ALX4: variants seen among roughly 807,000 people sequenced by gnomAD.
ALX4 encodes the protein homeobox protein aristaless-like 4.
ALX4 carries 22 observed loss-of-function variants against 40.6 expected under a neutral mutation model. That is an observed-to-expected ratio of 0.54 (90% CI 0.39 to 0.77). The LOEUF (loss-of-function observed/expected upper bound fraction) is 0.77, where lower values mean the gene tolerates loss of function less well. Ranked by LOEUF, ALX4 falls within the 30% of genes least tolerant of loss-of-function variation. ALX4 has a pLI of 0.00. For missense variants in ALX4, 556 were observed against 564.8 expected (o/e 0.98, Z 0.16); for synonymous variants, 266 against 240.5 (o/e 1.11, Z -0.98).
intron 1 of ALX4, among the ~76,000 whole-genome samples, chr11:44,291,212 T>C (rs1565006654): frequency 6.6e-6 from 1 of 152,084 alleles, no homozygotes; most frequent in Non-Finnish European, 1.5e-5. Flanking sequence ...AAATGTTAAA[T>C]TTATTTGGTT....
intron 2 of ALX4, among the ~76,000 whole-genome samples, chr11:44,273,880 G>A (rs992222243): frequency 1.6e-4 from 25 of 152,242 alleles, no homozygotes; most frequent in African/African-American, 4.6e-4. Context: ...TTGAGCCCAC[G>A]AAGTTAAGGC....
At position 44,281,120 on chromosome 11, in the gene ALX4, CT is replaced by C. The variant is rs796184044; in HGVS notation, c.467-5463del. Among the ~76,000 whole-genome samples the C allele has an allele frequency of 4.2e-3, 621 of 146,684 alleles. 2 individuals carry two copies. Among genetic ancestry groups the C allele is most frequent in the African/African-American group, 0.012 (482 of 40,180 alleles). Reference sequence around the variant, plus strand: ...ACTGATTTTTCTTTTTTCTTTCTTTCTTTTTTTTTTTGGCCGTGATTTAAAG... The same window carrying C: ...ACTGATTTTTCTTTTTTCTTTCTTTCTTTTTTTTTTGGCCGTGATTTAAAG... On this transcript the variant is annotated intron_variant, in intron 1 of 3. Coordinates refer to ENST00000652299, the MANE Select transcript of ALX4 (RefSeq NM_021926.4).
intron 1 of ALX4, among the ~76,000 whole-genome samples, chr11:44,279,128 G>A (rs557750544): frequency 2.7e-4 from 41 of 152,244 alleles, no homozygotes; most frequent in Non-Finnish European, 5.1e-4. Context: ...TCCACCTGGC[G>A]CTGGTTCCAG....
intron 2 of ALX4, among the ~76,000 whole-genome samples, chr11:44,271,159 C>CT (rs1467341542): frequency 8.1e-6 from 1 of 123,370 alleles, no homozygotes; most frequent in Non-Finnish European, 1.8e-5. Flanking sequence ...ACCCCCTTAC[C>CT]CCCCCAGGGC....
intron 1 of ALX4, among the ~76,000 whole-genome samples, chr11:44,294,934 C>T (rs1417889212): frequency 6.6e-6 from 1 of 152,110 alleles, no homozygotes; most frequent in African/African-American, 2.4e-5. Flanking sequence ...ACTGCAACCT[C>T]TGCCTCCTGG....
At chr11:44,280,694 T>C (rs879239) in intron 1 of ALX4, among the ~76,000 whole-genome samples, 47,832 of 152,132 alleles carry the variant, frequency 0.31, 9,376 homozygotes, top group South Asian at 0.53. Flanking sequence ...CCTACATCAC[T>C]GAGAGCAATG....
At chr11:44,308,567 T>G (rs1306993951) in intron 1 of ALX4, among the ~76,000 whole-genome samples, 1 of 152,238 alleles carries the variant, frequency 6.6e-6, no homozygotes, top group Non-Finnish European at 1.5e-5. Flanking sequence ...GGAACCCCGA[T>G]TCTCTGGAAG....
rs970718173 is a variant in ALX4, at chr11:44,261,534, T to G, written c.*3320A>C. On this transcript the variant is annotated 3_prime_UTR_variant, in exon 4 of 4. Transcript: ENST00000652299. ...ATTCAAGGAAAGTTCTAAAAGCCCA[T>G]GTCCTCCAAGTGCTATTTCAGCCTT... 2.0e-5 allele frequency: 3 copies of G among 152,200 alleles called. No individual in the cohort carries two copies. The highest frequency in any genetic ancestry group is 7.2e-5 in the African/African-American group (3 of 41,438). The allele number at this position is 152,200 out of a possible 1,614,324, so 9.4% of individuals were successfully genotyped here.
intron 2 of ALX4, among the ~76,000 whole-genome samples, chr11:44,268,994 T>G (rs1167000784): frequency 1.3e-5 from 2 of 152,170 alleles, no homozygotes; most frequent in Non-Finnish European, 1.5e-5. Context: ...TTTCCTGAGG[T>G]CCAGTCCCTG....
At chr11:44,293,809 C>T (rs1446156557) in intron 1 of ALX4, among the ~76,000 whole-genome samples, 1 of 152,236 alleles carries the variant, frequency 6.6e-6, no homozygotes, top group African/African-American at 2.4e-5. Context: ...GGTTTGTCTC[C>T]TCCTTCTTTA....
At chr11:44,300,490 C>T (rs1469923043) in intron 1 of ALX4, among the ~76,000 whole-genome samples, 2 of 152,122 alleles carry the variant, frequency 1.3e-5, no homozygotes, top group Non-Finnish European at 2.9e-5. Context: ...CCAGGAGGAC[C>T]CCAAACTCTA....
At chr11:44,307,616 C>T (rs1956476703) in intron 1 of ALX4, among the ~76,000 whole-genome samples, 1 of 152,202 alleles carries the variant, frequency 6.6e-6, no homozygotes, top group Non-Finnish European at 1.5e-5. Context: ...AGCATGAGCT[C>T]TCTGGCTATG....
rs1342817539 is a variant in ALX4 at position 44,275,351 on chromosome 11, C to T, written c.774G>A (p.Val258=). 2 of 1,614,224 alleles carry T rather than the reference C, an allele frequency of 1.2e-6. No homozygotes were observed. The highest frequency in any genetic ancestry group is 4.5e-5 in the East Asian group (2 of 44,872). The change falls in exon 2 of 4, where the codon GTG becomes GTA. Residue 258 remains valine, a synonymous_variant. Coordinates refer to ENST00000652299, the MANE Select transcript of ALX4 (RefSeq NM_021926.4). Reference sequence around the variant, plus strand: ...CTCCCAGGTGGCCCTCACTGACCTGCACGCGGGCCTCAGTGAGGTCTGTCC... The same window carrying T: ...CTCCCAGGTGGCCCTCACTGACCTGTACGCGGGCCTCAGTGAGGTCTGTCC... ...AMRTDLTEAR[V]QVWFQNRRAK... is the part of the protein sequence containing the mutation.
intron 1 of ALX4, among the ~76,000 whole-genome samples, chr11:44,304,095 TG>T (rs141309099): frequency 0.024 from 3,636 of 152,310 alleles, 146 homozygotes; most frequent in African/African-American, 0.084. Flanking sequence ...ACCTGTCTAG[TG>T]GCACCACAGG....
chr11:44,277,259 CT>C (rs1956283278), intron 1 of ALX4, among the ~76,000 whole-genome samples: 1 of 152,244 alleles, frequency 6.6e-6, no homozygotes, highest in African/African-American at 2.4e-5. Context: ...GACTCCGACC[CT>C]GGAGAAGTCC....
chr11:44,286,434 C>T (rs1485312709), intron 1 of ALX4, among the ~76,000 whole-genome samples: 1 of 152,152 alleles, frequency 6.6e-6, no homozygotes, highest in Non-Finnish European at 1.5e-5. Context: ...ATTCAGGTTC[C>T]AGGGCCCAAC....
At chr11:44,265,816 C>G (rs771722705) in intron 3 of ALX4, among the ~76,000 whole-genome samples, 33 of 152,280 alleles carry the variant, frequency 2.2e-4, no homozygotes, top group Non-Finnish European at 3.4e-4. Flanking sequence ...GAGACCGGAC[C>G]TCCTCGTGCC....
intron 1 of ALX4, among the ~76,000 whole-genome samples, chr11:44,276,872 G>T (rs1272733128): frequency 6.6e-6 from 1 of 152,164 alleles, no homozygotes; most frequent in Non-Finnish European, 1.5e-5. Context: ...TCTGACAGGA[G>T]CCAGAACTTG....
rs78854901 is a variant in ALX4 at position 44,288,425 on chromosome 11, G to T, written c.467-12767C>A. Among the ~76,000 whole-genome samples the T allele has an allele frequency of 8.9e-3, 1,350 of 152,268 alleles. 57 individuals are homozygous for T. In the East Asian group the frequency reaches 0.11, roughly 12 times the overall value. The stretch of plus-strand genomic sequence containing the variant: ...TATCAAAATAAAAAGGTTTTTAAAA[G>T]AAAAGGTATGTGGACTAATGGAAAG... On this transcript the variant is annotated intron_variant, in intron 1 of 3. Coordinates refer to ENST00000652299, the MANE Select transcript of ALX4 (RefSeq NM_021926.4).
Sources: gnomAD v4.1 joint callset for allele counts (sites outside exome capture counted in the v4.1 genomes callset) on GRCh38, gnomAD v4.1.1 for gene constraint, MANE v1.5 for transcripts, NCBI Gene and HGNC (gene_info 2026-07-23, HGNC 2026-07-21) for gene names.